Variants in MYO1H observed in about 807,000 individuals in gnomAD.
The protein encoded by MYO1H is unconventional myosin-Ih.
A neutral mutation model predicts 149.3 loss-of-function variants in MYO1H; 118 were observed. That is an observed-to-expected ratio of 0.79 (90% CI 0.68 to 0.92). The LOEUF (loss-of-function observed/expected upper bound fraction) is 0.92, where lower values mean the gene tolerates loss of function less well. MYO1H is among the 40% of genes least tolerant of loss of function. The pLI, the probability that MYO1H is intolerant of heterozygous loss-of-function variation, is 0.00. For synonymous variants in MYO1H, 447 were observed against 465.2 expected (o/e 0.96, Z 0.50); for missense variants, 1,212 against 1,280.7 (o/e 0.95, Z 0.82).
intron 10 of MYO1H, among the ~76,000 whole-genome samples, chr12:109,409,152 TG>T (rs1870527503): frequency 6.6e-6 from 1 of 151,964 alleles, no homozygotes; most frequent in African/African-American, 2.4e-5. Flanking sequence ...TCCTCTTACT[TG>T]GATAGGCATC....
chr12:109,441,774 C>A, intron 26 of MYO1H, 66 bp downstream of exon 26: 1 of 1,170,810 alleles, frequency 8.5e-7, no homozygotes, highest in South Asian at 1.4e-5. Context: ...GGGTGGGGTG[C>A]GGTGGCTCAT....
At chr12:109,427,201 C>T in intron 18 of MYO1H, among the ~76,000 whole-genome samples, 1 of 151,146 alleles carries the variant, frequency 6.6e-6, no homozygotes, top group Non-Finnish European at 1.5e-5. Flanking sequence ...CTGTAATCCC[C>T]ACTACTTGGG....
At chr12:109,385,299 CT>C (rs3068977) in intron 1 of MYO1H, among the ~76,000 whole-genome samples, 192 of 144,104 alleles carry the variant, frequency 1.3e-3, no homozygotes, top group African/African-American at 1.5e-3. Context: ...TCTTTCTTTT[CT>C]TTTTTTTTTT....
At chr12:109,342,501 T>C in the MYO1H span, among the ~76,000 whole-genome samples, 23 of 151,088 alleles carry the variant, frequency 1.5e-4, 2 homozygotes, top group South Asian at 4.6e-3. Flanking sequence ...GCGTGGTTTA[T>C]GGTTTTCTGT....
At chr12:109,414,842 G>A (rs1479356501) in intron 14 of MYO1H, among the ~76,000 whole-genome samples, 2 of 151,956 alleles carry the variant, frequency 1.3e-5, no homozygotes, top group Admixed American at 6.6e-5. Flanking sequence ...TGAGTAGCTG[G>A]GACTACAAGG....
At chr12:109,444,855 T>TA (rs1872412064) in intron 30 of MYO1H, among the ~76,000 whole-genome samples, 1 of 146,434 alleles carries the variant, frequency 6.8e-6, no homozygotes, top group Non-Finnish European at 1.5e-5. Flanking sequence ...GCAACAGAGA[T>TA]AGACAATGTC....
the MYO1H span, among the ~76,000 whole-genome samples, chr12:109,326,735 G>C: frequency 5.9e-4 from 89 of 151,998 alleles, no homozygotes; most frequent in African/African-American, 2.1e-3. Flanking sequence ...GCCCAGGCTG[G>C]TCTCAAATCC....
chr12:109,427,899 A>ATATATATATATATAT lies in MYO1H; in HGVS notation c.1949+313_1949+314insTATATATATATATAT, dbSNP rs1566038875. On this transcript the variant is annotated intron_variant, in intron 19 of 31. Coordinates refer to ENST00000310903, the Ensembl canonical transcript of MYO1H. Reference sequence around the variant, plus strand: ...ATCTCTACAAAAAAAAAAAAAAAAAAAAAAAAAAAAATATATATATATATA... The same window carrying ATATATATATATATAT: ...ATCTCTACAAAAAAAAAAAAAAAAAATATATATATATATATAAAAAAAAAAATATATATATATATA... 1.9e-4 allele frequency among the ~76,000 whole-genome samples: 10 copies of ATATATATATATATAT among 51,420 alleles called. 1 individual carries two copies. The highest frequency in any genetic ancestry group is 7.6e-4 in the African/African-American group (10 of 13,198). 33.7% of individuals were successfully genotyped at this position (51,420 alleles called of 152,430 possible).
intron 2 of MYO1H, among the ~76,000 whole-genome samples, chr12:109,391,811 T>C (rs1179388698): frequency 1.3e-5 from 2 of 152,220 alleles, no homozygotes; most frequent in Non-Finnish European, 2.9e-5. Flanking sequence ...TCTGTAATGA[T>C]CGGTGGTGTT....
chr12:109,378,166 A>G (rs934314034), intron 1 of MYO1H, among the ~76,000 whole-genome samples: 1 of 152,112 alleles, frequency 6.6e-6, no homozygotes, highest in African/African-American at 2.4e-5. Context: ...TGCAGTCATC[A>G]CCACACCATG....
At chr12:109,311,235 GGAAAA>G in the MYO1H span, among the ~76,000 whole-genome samples, 1 of 152,130 alleles carries the variant, frequency 6.6e-6, no homozygotes, top group Non-Finnish European at 1.5e-5. Context: ...CATGAAATAT[GGAAAA>G]GAAAAGCAAG....
At chr12:109,370,099 A>G (rs894427930) in intron 1 of MYO1H, among the ~76,000 whole-genome samples, 5 of 152,136 alleles carry the variant, frequency 3.3e-5, no homozygotes, top group African/African-American at 9.7e-5. Flanking sequence ...CCCATGACAC[A>G]TGGGAATTGT....
At chr12:109,355,724 T>G (rs1868577851) in intron 1 of MYO1H, among the ~76,000 whole-genome samples, 1 of 149,412 alleles carries the variant, frequency 6.7e-6, no homozygotes, top group African/African-American at 2.5e-5. Context: ...TGTTTTTTGG[T>G]TTTTCTTTTT....
the MYO1H span, among the ~76,000 whole-genome samples, chr12:109,314,297 T>G: frequency 2.0e-5 from 3 of 151,982 alleles, no homozygotes; most frequent in Non-Finnish European, 4.4e-5. Flanking sequence ...TCCATTGTTA[T>G]GCTGCTCATT....
the MYO1H span, among the ~76,000 whole-genome samples, chr12:109,326,368 C>T: frequency 6.6e-6 from 1 of 152,124 alleles, no homozygotes; most frequent in East Asian, 1.9e-4. Flanking sequence ...CACACCATTC[C>T]TCCACATGGG....
chr12:109,313,672 T>A, the MYO1H span, among the ~76,000 whole-genome samples: 1 of 152,252 alleles, frequency 6.6e-6, no homozygotes, highest in Non-Finnish European at 1.5e-5. Flanking sequence ...GGTTCATCAC[T>A]GTTCTGTTCT....
chr12:109,401,377 C>T, intron 6 of MYO1H, 105 bp downstream of exon 6: 1 of 1,148,220 alleles, frequency 8.7e-7, no homozygotes, highest in Non-Finnish European at 1.2e-6. Context: ...TACCATCCTG[C>T]TATGTGTCCT....
intron 16 of MYO1H, 141 bp downstream of exon 16, chr12:109,421,168 G>A: frequency 1.6e-6 from 1 of 607,334 alleles, no homozygotes; most frequent in African/African-American, 1.9e-5. Flanking sequence ...GGCCAGAACA[G>A]ACATTCAGGA....
chr12:109,403,215 C>T (rs1870238396), intron 6 of MYO1H, among the ~76,000 whole-genome samples: 1 of 152,128 alleles, frequency 6.6e-6, no homozygotes, highest in Non-Finnish European at 1.5e-5. Context: ...TTTTAGGGTA[C>T]ATGTGCACAA....
Sources: allele counts gnomAD v4.1 joint callset (sites outside exome capture counted in the v4.1 genomes callset), GRCh38; gene constraint gnomAD v4.1.1; transcripts MANE v1.5; gene names NCBI Gene and HGNC (gene_info 2026-07-23, HGNC 2026-07-21).